KIAA1210: variants seen among roughly 807,000 people sequenced by gnomAD.
The protein encoded by KIAA1210 is acrosomal protein KIAA1210.
A neutral mutation model predicts 78.9 loss-of-function variants in KIAA1210; 48 were observed. The observed-to-expected ratio is 0.61, with a 90% confidence interval of 0.48 to 0.77. The LOEUF (loss-of-function observed/expected upper bound fraction) is 0.77. Among genes scored for constraint, KIAA1210 ranks in the 30% least tolerant of loss-of-function variants. KIAA1210 has a pLI of 0.00. For synonymous variants in KIAA1210, 406 were observed against 404.5 expected, an observed-to-expected ratio of 1.00 and a Z score of -0.04; for missense variants, 1,108 against 1,100.0, an observed-to-expected ratio of 1.01 and a Z score of -0.10.
intron 8 of KIAA1210, among the ~76,000 whole-genome samples, chrX:119,092,344 C>T (rs1300102153): frequency 2.7e-5 from 3 of 112,008 alleles, no homozygotes; most frequent in African/African-American, 6.5e-5. Context: ...CAGCATACAG[C>T]GCTGATAATA....
intron 1 of KIAA1210, among the ~76,000 whole-genome samples, chrX:119,124,715 C>T (rs1246628207): frequency 9.0e-6 from 1 of 110,874 alleles, no homozygotes. Flanking sequence ...ATGGCAAAAC[C>T]TCATCTCTAC....
At chrX:119,112,679 G>A (rs966865637) in intron 3 of KIAA1210, among the ~76,000 whole-genome samples, 3 of 111,526 alleles carry the variant, frequency 2.7e-5, no homozygotes, top group African/African-American at 9.8e-5. Flanking sequence ...ATAATAACAC[G>A]CATTGGCAAG....
Position 119,105,111 on chromosome X carries a change from G to A in KIAA1210, c.529C>T (p.Pro177Ser), listed in dbSNP as rs1927853201. Residue 177 changes from proline (P) to serine (S), a missense_variant, in exon 6 of 12, where the codon CCA (proline) becomes TCA (serine). Transcript: ENST00000691062. ...ATTATTTCAGGTTGGATAACAGGTGGGATGATGCTGAGTCGGCGTCGGCGC... is the reference window on the plus strand; with the variant it reads ...ATTATTTCAGGTTGGATAACAGGTGAGATGATGCTGAGTCGGCGTCGGCGC... ...PSRRRRLSII[P>S]PVIQPEIISK... The A allele has an allele frequency of 2.5e-6, 3 of 1,209,303 alleles. No homozygotes were observed. The highest frequency in any genetic ancestry group is 3.4e-6 in the Non-Finnish European group (3 of 894,364).
intron 6 of KIAA1210, among the ~76,000 whole-genome samples, chrX:119,101,990 T>C (rs937810307): frequency 1.7e-4 from 19 of 112,892 alleles, no homozygotes; most frequent in African/African-American, 6.1e-4. Flanking sequence ...GGAAAGTGTT[T>C]AACACAGTGC....
intron 1 of KIAA1210, among the ~76,000 whole-genome samples, chrX:119,127,028 C>T (rs1447430067): frequency 1.8e-5 from 2 of 109,408 alleles, no homozygotes; most frequent in African/African-American, 6.7e-5. Flanking sequence ...GAGCCAAGAT[C>T]ATGCCACTGC....
chrX:119,093,411 T>C (rs993024602), intron 8 of KIAA1210, among the ~76,000 whole-genome samples: 1 of 112,194 alleles, frequency 8.9e-6, no homozygotes, highest in African/African-American at 3.2e-5. Flanking sequence ...AACACCTCTC[T>C]TGTTGGAAAT....
chrX:119,135,957 G>A (rs904176591), intron 2 of KIAA1210, among the ~76,000 whole-genome samples: 4 of 111,111 alleles, frequency 3.6e-5, no homozygotes, highest in Admixed American at 1.9e-4. Context: ...GGGAGGCTGA[G>A]GCAGAGAATA....
intron 3 of KIAA1210, among the ~76,000 whole-genome samples, chrX:119,113,718 A>G (rs1450741299): frequency 1.8e-5 from 2 of 112,342 alleles, no homozygotes; most frequent in African/African-American, 6.5e-5. Flanking sequence ...GATAAAAGTT[A>G]TTCCTGTTAG....
At chrX:119,119,986 AAAAAAAAAAGAAAG>A (rs1430298821) in intron 2 of KIAA1210, among the ~76,000 whole-genome samples, 1 of 90,240 alleles carries the variant, frequency 1.1e-5, no homozygotes, top group Non-Finnish European at 2.4e-5. Context: ...AAAAAAAAAA[AAAAAAAAAAGAAAG>A]AAAGAAAAGA....
At chrX:119,124,462 T>G in intron 1 of KIAA1210, among the ~76,000 whole-genome samples, 1 of 112,555 alleles carries the variant, frequency 8.9e-6, no homozygotes, top group Non-Finnish European at 1.9e-5. Context: ...GCAAAAAACC[T>G]GATCTATTGT....
At chrX:119,126,046 G>A (rs997185931) in intron 1 of KIAA1210, among the ~76,000 whole-genome samples, 1 of 107,790 alleles carries the variant, frequency 9.3e-6, no homozygotes, top group Non-Finnish European at 1.9e-5. Context: ...GTAACTGAAT[G>A]AACTATTGTA....
intron 10 of KIAA1210, among the ~76,000 whole-genome samples, chrX:119,084,809 A>G (rs1927080282): frequency 8.9e-6 from 1 of 112,342 alleles, no homozygotes; most frequent in Non-Finnish European, 1.9e-5. Flanking sequence ...AATTTCGTGG[A>G]GCCTTGCTTT....
At chrX:119,115,490 C>T (rs2147186567) in intron 3 of KIAA1210, among the ~76,000 whole-genome samples, 1 of 111,881 alleles carries the variant, frequency 8.9e-6, no homozygotes, top group South Asian at 3.8e-4. Flanking sequence ...AGCAAGACTA[C>T]TTGAAATTCC....
upstream of KIAA1210, among the ~76,000 whole-genome samples, chrX:119,128,632 C>T (rs372908625): frequency 4.5e-5 from 5 of 111,615 alleles, no homozygotes; most frequent in East Asian, 8.4e-4. Context: ...TAAAATGCTC[C>T]CACTCTCTCT....
rs146451434 is a variant in KIAA1210, at chrX:119,089,511, T to C, written c.1191A>G (p.Ser397=). The change falls in exon 9 of 12, where the codon TCA becomes TCG. Residue 397 remains serine, a synonymous_variant. Coordinates refer to ENST00000691062, the MANE Select transcript of KIAA1210 (RefSeq NM_001394962.1). ...GYGLGDRAGS[S]PTNKTARNVP... is the part of the protein sequence containing the mutation. ...CATTCCTGGCAGTCTTATTGGTAGG[T>C]GAAGACCCAGCTCTATCGCCCAGGC... 2.9e-3 allele frequency: 3,487 copies of C among 1,209,827 alleles called. 56 individuals are homozygous for C. The African/African-American group carries it at 0.049, about 17-fold the overall frequency.
At chrX:119,089,816 C>G (rs1227946089) in intron 8 of KIAA1210, 70 bp from the exon 9 acceptor site, 15 of 1,021,369 alleles carry the variant, frequency 1.5e-5, no homozygotes, top group Non-Finnish European at 2.0e-5. Flanking sequence ...GAATACTGTG[C>G]CCTGGCCCAG....
chrX:119,120,304 C>A (rs73592500), intron 2 of KIAA1210, among the ~76,000 whole-genome samples: 4,832 of 112,158 alleles, frequency 0.043, 178 homozygotes, highest in African/African-American at 0.12. Context: ...AGAAACACAG[C>A]AATTGTTGCC....
At position 119,088,847 on chromosome X, in the gene KIAA1210, C is replaced by A; in HGVS notation, c.1855G>T (p.Glu619Ter). 8.3e-7 allele frequency: 1 copy of A among 1,211,430 alleles called. No homozygotes were observed. Among genetic ancestry groups the A allele is most frequent in the African/African-American group, 1.7e-5 (1 of 57,792 alleles). The part of the protein sequence containing the change: ...NIPEEGDGSE[E>*]LAHGHSSQSL... ...TGGGAAGAGTGACCATGAGCCAGTT[C>A]TTCAGAACCATCCCCCTCCTCAGGA... Residue 619 changes from glutamate to a stop codon, truncating the protein, a stop_gained, in exon 9 of 12, where the codon GAA becomes TAA. Coordinates refer to ENST00000691062, the MANE Select transcript of KIAA1210 (RefSeq NM_001394962.1). LOFTEE classifies it high-confidence loss of function.
At chrX:119,145,392 A>G (rs1351252705) in intron 2 of KIAA1210, among the ~76,000 whole-genome samples, 1 of 110,474 alleles carries the variant, frequency 9.1e-6, no homozygotes, top group Non-Finnish European at 1.9e-5. Context: ...TGACAACCAA[A>G]AATGTCTCCA....
Sources: gnomAD v4.1 joint callset for allele counts (sites outside exome capture counted in the v4.1 genomes callset) on GRCh38, gnomAD v4.1.1 for gene constraint, MANE v1.5 for transcripts, NCBI Gene and HGNC (gene_info 2026-07-23, HGNC 2026-07-21) for gene names.